TBC1D32: variants seen among roughly 807,000 people sequenced by gnomAD.
TBC1D32 encodes the protein protein broad-minded.
A neutral mutation model predicts 170.3 loss-of-function variants in TBC1D32; 151 were observed. The observed-to-expected ratio is 0.89, with a 90% CI of 0.78 to 1.01. The LOEUF (loss-of-function observed/expected upper bound fraction) is 1.01. TBC1D32 is among the 50% of genes least tolerant of loss of function. The pLI, the probability that TBC1D32 is intolerant of heterozygous loss-of-function variation, is 0.00. For missense variants in TBC1D32, 1,464 were observed against 1,457.1 expected (o/e 1.00, Z -0.08); for synonymous variants, 498 against 488.0 (o/e 1.02, Z -0.27).
At chr6:121,236,090 TC>T (rs773683935) in intron 20 of TBC1D32, among the ~76,000 whole-genome samples, 2 of 151,732 alleles carry the variant, frequency 1.3e-5, no homozygotes, top group Non-Finnish European at 2.9e-5. Context: ...TATTCTTTCC[TC>T]CCCACCTTAT....
intron 22 of TBC1D32, among the ~76,000 whole-genome samples, chr6:121,184,139 T>C (rs529028330): frequency 1.3e-5 from 2 of 152,146 alleles, no homozygotes; most frequent in African/African-American, 4.8e-5. Context: ...CAGAAACAGG[T>C]ACTTTCACCA....
At chr6:121,257,008 T>C (rs6912500) in intron 15 of TBC1D32, among the ~76,000 whole-genome samples, 134,457 of 152,096 alleles carry the variant, frequency 0.88, 59,874 homozygotes, top group East Asian at 0.98. Flanking sequence ...TAGATAAGTA[T>C]TTAATAAATG....
intron 22 of TBC1D32, among the ~76,000 whole-genome samples, chr6:121,186,370 G>A (rs1197783954): frequency 2.0e-5 from 3 of 151,868 alleles, no homozygotes; most frequent in Non-Finnish European, 2.9e-5. Flanking sequence ...GAAGACTAAC[G>A]CAAACCAATA....
intron 26 of TBC1D32, among the ~76,000 whole-genome samples, chr6:121,121,669 A>G (rs985158311): frequency 1.8e-4 from 27 of 152,048 alleles, no homozygotes; most frequent in Non-Finnish European, 2.9e-4. Context: ...TTGCCTATTA[A>G]ATTAAGACAC....
At chr6:121,120,167 C>A (rs929520564) in intron 26 of TBC1D32, among the ~76,000 whole-genome samples, 3 of 152,024 alleles carry the variant, frequency 2.0e-5, no homozygotes, top group Non-Finnish European at 4.4e-5. Context: ...AAAGTCACTT[C>A]ATTTTTTGGC....
chr6:121,237,112 A>G (rs1263430686), intron 20 of TBC1D32: 1 of 151,858 alleles, frequency 6.6e-6, no homozygotes, highest in Non-Finnish European at 1.5e-5. Context: ...TTTATTTTAA[A>G]ATTTCTTTCA....
intron 24 of TBC1D32, among the ~76,000 whole-genome samples, chr6:121,136,615 C>T (rs914345026): frequency 1.1e-4 from 17 of 151,856 alleles, no homozygotes; most frequent in East Asian, 3.9e-4. Context: ...CTTATAGTAA[C>T]GAAAAAAATT....
chr6:121,121,719 T>C (rs1200415761), intron 26 of TBC1D32, among the ~76,000 whole-genome samples: 1 of 152,036 alleles, frequency 6.6e-6, no homozygotes, highest in Non-Finnish European at 1.5e-5. Flanking sequence ...CATCATTCTT[T>C]TATCCATTCT....
At chr6:121,196,618 G>T (rs1790770447) in intron 22 of TBC1D32, among the ~76,000 whole-genome samples, 1 of 152,136 alleles carries the variant, frequency 6.6e-6, no homozygotes, top group Non-Finnish European at 1.5e-5. Flanking sequence ...TCACTTTACG[G>T]CTAAAGAAGC....
Position 121,255,370 on chromosome 6 carries a change from C to G in TBC1D32, c.1976G>C (p.Gly659Ala). The G allele has an allele frequency of 6.5e-7, 1 of 1,543,540 alleles. No homozygotes were observed. Among genetic ancestry groups the G allele is most frequent in the Non-Finnish European group, 8.7e-7 (1 of 1,149,092 alleles). ...GCTTACTGAAGAAACAGAATCAGAA[C>G]CCTCTACTGGAGTAGGAATTCTTTC... ...LSERIPTPVE[G>A]SDSVSSVSQE... The change falls in exon 17 of 32, where the codon GGT (glycine) becomes GCT (alanine). Residue 659 changes from glycine (G) to alanine (A), a missense_variant. By Grantham distance (60) the Gly-to-Ala change is moderately conservative (BLOSUM62 0). Around this residue, in one of 3 missense-constraint regions of TBC1D32, gnomAD observed 1,363 missense variants for 1,338.1 expected, o/e 1.02. Coordinates refer to ENST00000398212, the MANE Select transcript of TBC1D32 (RefSeq NM_152730.6).
At position 121,126,410 on chromosome 6, in the gene TBC1D32, G is replaced by T. The variant is rs1011686211; in HGVS notation, c.2951C>A (p.Ser984Tyr). Residue 984 changes from serine (S) to tyrosine (Y), a missense_variant, in exon 26 of 32, where the codon TCT becomes TAT. Around this residue, in one of 3 missense-constraint regions of TBC1D32, gnomAD observed 1,363 missense variants for 1,338.1 expected, o/e 1.02. Coordinates refer to ENST00000398212, the MANE Select transcript of TBC1D32 (RefSeq NM_152730.6). ...KFVLHLTESPSECYFPSVEYT... is the reference protein window; with the variant it reads ...KFVLHLTESPYECYFPSVEYT... ...CTCCACTGAAGGGAAGTAGCATTCA[G>T]ATGGGCTTTCAGTGAGATGAAGCAC... 3.1e-6 allele frequency: 5 copies of T among 1,612,722 alleles called. No homozygotes were observed. In the African/African-American group the frequency reaches 5.3e-5, roughly 17 times the overall value.
chr6:121,206,047 T>C (rs1209034617), intron 21 of TBC1D32, among the ~76,000 whole-genome samples: 1 of 151,830 alleles, frequency 6.6e-6, no homozygotes, highest in African/African-American at 2.4e-5. Context: ...CCGTCTCTAG[T>C]AAAAATACAA....
intron 3 of TBC1D32, among the ~76,000 whole-genome samples, chr6:121,312,544 A>G (rs919061169): frequency 1.3e-5 from 2 of 151,958 alleles, no homozygotes; most frequent in African/African-American, 4.8e-5. Flanking sequence ...TTTAAAGTCA[A>G]CTCCAACTTG....
At chr6:121,086,140 G>T (rs997106876) in intron 31 of TBC1D32, among the ~76,000 whole-genome samples, 1 of 151,890 alleles carries the variant, frequency 6.6e-6, no homozygotes, top group Non-Finnish European at 1.5e-5. Context: ...CTTAATAACC[G>T]CTAAGTTTTT....
chr6:121,225,295 A>T (rs74394946), intron 20 of TBC1D32, among the ~76,000 whole-genome samples: 2,874 of 152,150 alleles, frequency 0.019, 34 homozygotes, highest in South Asian at 0.042. Context: ...GAACCAAAAA[A>T]TACAAGCTAA....
chr6:121,180,842 A>G (rs1464194844), intron 22 of TBC1D32, among the ~76,000 whole-genome samples: 1 of 152,144 alleles, frequency 6.6e-6, no homozygotes, highest in Non-Finnish European at 1.5e-5. Flanking sequence ...TACAATAAAA[A>G]TTTAATAAGC....
intron 22 of TBC1D32, among the ~76,000 whole-genome samples, chr6:121,184,663 G>A (rs1377485848): frequency 6.6e-6 from 1 of 151,758 alleles, no homozygotes; most frequent in Non-Finnish European, 1.5e-5. Flanking sequence ...TTCAATGCTG[G>A]TCATGGTTTC....
At chr6:121,315,720 T>A (rs560056711) in intron 3 of TBC1D32, among the ~76,000 whole-genome samples, 2 of 152,182 alleles carry the variant, frequency 1.3e-5, no homozygotes, top group East Asian at 3.9e-4. Context: ...TTTATTGGAA[T>A]GAATAATATA....
intron 21 of TBC1D32, among the ~76,000 whole-genome samples, chr6:121,219,596 T>C (rs1205608177): frequency 2.0e-5 from 3 of 152,226 alleles, no homozygotes; most frequent in African/African-American, 7.2e-5. Flanking sequence ...ATGTGCTAGA[T>C]TTATATACCT....
Sources: gnomAD v4.1 joint callset for allele counts (sites outside exome capture counted in the v4.1 genomes callset) on GRCh38, gnomAD v4.1.1 for gene constraint, gnomAD v4.1.1 regional missense constraint, MANE v1.5 for transcripts, NCBI Gene and HGNC (gene_info 2026-07-23, HGNC 2026-07-21) for gene names.